The following EYS variants were observed in gnomAD, a reference collection of about 807,000 sequenced individuals.
EYS encodes EGF-like photoreceptor maintenance factor.
Under a neutral mutation model 282.1 loss-of-function variants are expected in EYS, and 250 were observed. The observed-to-expected ratio is 0.89, with a 90% CI of 0.80 to 0.98. The LOEUF (loss-of-function observed/expected upper bound fraction) is 0.98, where lower values mean the gene tolerates loss of function less well. Ranked by LOEUF, EYS falls within the 50% of genes least tolerant of loss-of-function variation. EYS has a pLI of 0.00. For missense variants in EYS, 4,016 were observed against 3,709.0 expected, an observed-to-expected ratio of 1.08 and a Z score of -2.15; for synonymous variants, 1,355 against 1,282.9, an observed-to-expected ratio of 1.06 and a Z score of -1.20.
intron 19 of EYS, among the ~76,000 whole-genome samples, chr6:64,835,934 A>G (rs1765369656): frequency 6.6e-6 from 1 of 151,608 alleles, no homozygotes; most frequent in South Asian, 2.1e-4. Context: ...AAAATAAACG[A>G]TGTATAAAAG....
At chr6:65,356,530 A>C (rs1764492688) in intron 8 of EYS, among the ~76,000 whole-genome samples, 1 of 151,996 alleles carries the variant, frequency 6.6e-6, no homozygotes, top group Non-Finnish European at 1.5e-5. Context: ...TAACCTGAAG[A>C]CCAAATTTGA....
chr6:65,395,012 A>T (rs1241450715), intron 7 of EYS, among the ~76,000 whole-genome samples: 2 of 149,300 alleles, frequency 1.3e-5, no homozygotes, highest in Non-Finnish European at 2.9e-5. Context: ...TTAACATTTA[A>T]CCTCTGACAT....
rs562146878 is a variant in EYS, at chr6:63,999,464, T to TA, written c.6726-282_6726-281insT. ...CTCCCACAAAATAAAAAGAGCTTCA[T>TA]GTGTATAAGTAGATATTGACAAATT... On this transcript the variant is annotated intron_variant, in intron 33 of 42. Coordinates refer to ENST00000503581, the MANE Select transcript of EYS (RefSeq NM_001142800.2). Among the ~76,000 whole-genome samples, 763 of 152,346 alleles carry TA rather than the reference T, an allele frequency of 5.0e-3. 3 individuals are homozygous for TA. The highest frequency in any genetic ancestry group is 7.7e-3 in the Non-Finnish European group (523 of 68,026).
At chr6:64,085,570 T>A (rs761928924) in intron 31 of EYS, among the ~76,000 whole-genome samples, 1 of 152,206 alleles carries the variant, frequency 6.6e-6, no homozygotes, top group Admixed American at 6.5e-5. Context: ...TCCAAATACA[T>A]ACCCTTTTTA....
At chr6:65,510,412 T>C (rs1446228931) in intron 2 of EYS, among the ~76,000 whole-genome samples, 1 of 152,038 alleles carries the variant, frequency 6.6e-6, no homozygotes, top group Non-Finnish European at 1.5e-5. Flanking sequence ...ATCCAGTCTA[T>C]CATTGATGGA....
chr6:64,475,528 GCGACA>G (rs1459577296), intron 26 of EYS, among the ~76,000 whole-genome samples: 1 of 63,264 alleles, frequency 1.6e-5, no homozygotes, highest in Non-Finnish European at 3.5e-5. Context: ...TCCAGCCTGG[GCGACA>G]GAGCGAGACT....
chr6:65,131,235 AAAGT>A (rs199802474), intron 12 of EYS, among the ~76,000 whole-genome samples: 1 of 151,858 alleles, frequency 6.6e-6, no homozygotes, highest in Non-Finnish European at 1.5e-5. Context: ...ATAAAACTAT[AAAGT>A]AAGTAAGGGG....
chr6:64,586,695 T>C (rs1389764335), intron 26 of EYS, among the ~76,000 whole-genome samples: 4 of 152,114 alleles, frequency 2.6e-5, no homozygotes, highest in Non-Finnish European at 4.4e-5. Flanking sequence ...CCTTGACTTA[T>C]CCTTTTTATT....
intron 33 of EYS, among the ~76,000 whole-genome samples, chr6:64,033,196 A>T (rs150024344): frequency 1.6e-3 from 239 of 152,278 alleles, no homozygotes; most frequent in South Asian, 2.9e-3. Context: ...CTCATTTTTC[A>T]TTACATTATT....
At chr6:64,149,823 G>A (rs1302104916) in intron 31 of EYS, among the ~76,000 whole-genome samples, 1 of 152,140 alleles carries the variant, frequency 6.6e-6, no homozygotes, top group African/African-American at 2.4e-5. Flanking sequence ...AGATCACCTT[G>A]TCTCTTACTA....
At chr6:64,285,746 C>G (rs9451257) in intron 30 of EYS, among the ~76,000 whole-genome samples, 104,060 of 152,028 alleles carry the variant, frequency 0.68, 35,649 homozygotes, top group Non-Finnish European at 0.71. Context: ...GGTGAAAGCC[C>G]ATTACATGGT....
intron 7 of EYS, among the ~76,000 whole-genome samples, chr6:65,390,903 GAA>G (rs35845690): frequency 2.7e-5 from 4 of 150,604 alleles, no homozygotes; most frequent in African/African-American, 7.3e-5. Flanking sequence ...AAAAAATAAA[GAA>G]AAAAAAATAC....
intron 13 of EYS, among the ~76,000 whole-genome samples, chr6:65,040,755 C>T (rs748124375): frequency 1.3e-5 from 2 of 151,552 alleles, no homozygotes; most frequent in Admixed American, 6.6e-5. Context: ...CCCCAGGTTG[C>T]CATGTTGTAA....
chr6:65,686,259 A>G (rs1272915900), intron 1 of EYS, among the ~76,000 whole-genome samples: 1 of 152,068 alleles, frequency 6.6e-6, no homozygotes, highest in African/African-American at 2.4e-5. Context: ...GCTCTTCCCC[A>G]GAAGACAATG....
intron 2 of EYS, among the ~76,000 whole-genome samples, chr6:65,523,299 C>G (rs1767439445): frequency 6.6e-6 from 1 of 151,828 alleles, no homozygotes; most frequent in Non-Finnish European, 1.5e-5. Context: ...AATTGTGATA[C>G]ACACACACAA....
chr6:65,633,415 C>T (rs527325489), intron 2 of EYS, among the ~76,000 whole-genome samples: 50 of 152,276 alleles, frequency 3.3e-4, no homozygotes, highest in African/African-American at 1.2e-3. Flanking sequence ...CTTGTGAATA[C>T]CAGAGAGTTT....
At chr6:63,777,873 A>G (rs1210056793) in intron 40 of EYS, 133 bp downstream of exon 40, 2 of 846,528 alleles carry the variant, frequency 2.4e-6, no homozygotes, top group Admixed American at 4.6e-5. Flanking sequence ...ATCATGTAAC[A>G]AGTCTACATA....
chr6:63,965,825 A>C (rs148755891), intron 35 of EYS, among the ~76,000 whole-genome samples: 5 of 152,216 alleles, frequency 3.3e-5, no homozygotes, highest in African/African-American at 1.2e-4. Context: ...AAGACCCAGA[A>C]AACACAGCCT....
At chr6:64,753,903 A>C (rs1485551954) in intron 22 of EYS, among the ~76,000 whole-genome samples, 1 of 152,088 alleles carries the variant, frequency 6.6e-6, no homozygotes, top group East Asian at 1.9e-4. Flanking sequence ...CACATCAAAT[A>C]TATTTTTAAC....
Sources: allele counts gnomAD v4.1 joint callset (sites outside exome capture counted in the v4.1 genomes callset), GRCh38; gene constraint gnomAD v4.1.1; transcripts MANE v1.5; gene names NCBI Gene and HGNC (gene_info 2026-07-23, HGNC 2026-07-21).